Variants in TMEM74 observed in about 807,000 individuals in gnomAD.
TMEM74 encodes transmembrane protein 74.
TMEM74 carries 13 observed loss-of-function variants against 18.1 expected under a neutral mutation model. That is an observed-to-expected ratio of 0.72 (90% CI 0.47 to 1.14). The LOEUF (loss-of-function observed/expected upper bound fraction) is 1.14. TMEM74 is among the 50% of genes most tolerant of loss of function. TMEM74 has a pLI of 0.00. For synonymous variants in TMEM74, 159 were observed against 146.6 expected, an observed-to-expected ratio of 1.08 and a Z score of -0.61; for missense variants, 372 against 375.9, an observed-to-expected ratio of 0.99 and a Z score of 0.09.
intron 1 of TMEM74, among the ~76,000 whole-genome samples, chr8:108,680,468 C>G (rs866305713): frequency 7.9e-5 from 12 of 151,944 alleles, no homozygotes; most frequent in South Asian, 2.1e-4. Flanking sequence ...ATTCAACAAC[C>G]CTTCATGCTA....
At chr8:108,756,619 G>GA (rs1813968489) in intron 1 of TMEM74, among the ~76,000 whole-genome samples, 1 of 83,456 alleles carries the variant, frequency 1.2e-5, no homozygotes, top group Non-Finnish European at 2.4e-5. Context: ...AGGAAGGAAG[G>GA]AAGGAAGGAA....
intron 1 of TMEM74, among the ~76,000 whole-genome samples, chr8:108,725,096 C>T (rs1404878413): frequency 6.6e-6 from 1 of 152,174 alleles, no homozygotes; most frequent in Non-Finnish European, 1.5e-5. Context: ...CACTTCGAGC[C>T]ATCTCCCCTG....
At chr8:108,627,578 G>C (rs1164796130) in intron 2 of TMEM74, among the ~76,000 whole-genome samples, 1 of 151,996 alleles carries the variant, frequency 6.6e-6, no homozygotes, top group African/African-American at 2.4e-5. Context: ...TCTTATTTCT[G>C]CTTCTGTACT....
chr8:108,761,644 T>A (rs1202876286), intron 1 of TMEM74, among the ~76,000 whole-genome samples: 5 of 152,088 alleles, frequency 3.3e-5, no homozygotes, highest in Non-Finnish European at 7.4e-5. Context: ...GGCAAAAATA[T>A]GTTACCCTCT....
chr8:108,774,567 G>A (rs990782069), downstream of TMEM74, among the ~76,000 whole-genome samples: 10 of 152,260 alleles, frequency 6.6e-5, no homozygotes, highest in African/African-American at 1.7e-4. Context: ...AACCACTAGA[G>A]CCAGGAGGTA....
At position 108,779,545 on chromosome 8, in the gene TMEM74, A is replaced by G. The variant is rs1814277248; in HGVS notation, c.*4636T>C. On this transcript the variant is annotated 3_prime_UTR_variant, in exon 2 of 2. Coordinates refer to ENST00000297459, the MANE Select transcript of TMEM74 (RefSeq NM_153015.3). ...GAGAGGTTAAAAAACAAATTAATAA[A>G]TATTTGTGGGAGGCTGAACAACCAA... Among the ~76,000 whole-genome samples, 1 of 152,194 alleles carries G rather than the reference A, an allele frequency of 6.6e-6. No homozygotes were observed. The highest frequency in any genetic ancestry group is 1.5e-5 in the Non-Finnish European group (1 of 68,022).
At chr8:108,719,381 T>C (rs536816192) in intron 1 of TMEM74, among the ~76,000 whole-genome samples, 10 of 152,150 alleles carry the variant, frequency 6.6e-5, no homozygotes, top group Non-Finnish European at 1.0e-4. Flanking sequence ...CACAATATAA[T>C]ACTTTATTGG....
intron 1 of TMEM74, among the ~76,000 whole-genome samples, chr8:108,767,985 A>T (rs765485824): frequency 2.6e-5 from 4 of 152,166 alleles, no homozygotes; most frequent in Non-Finnish European, 5.9e-5. Context: ...CATGAAAATA[A>T]ATTCACTGGC....
At chr8:108,695,310 A>G (rs1448998467) in intron 1 of TMEM74, among the ~76,000 whole-genome samples, 1 of 152,228 alleles carries the variant, frequency 6.6e-6, no homozygotes, top group Non-Finnish European at 1.5e-5. Context: ...GCAAATTTCG[A>G]ACACCAAGGA....
chr8:108,786,880 A>ACGG (rs1263504905), intron 1 of TMEM74, among the ~76,000 whole-genome samples: 1 of 152,088 alleles, frequency 6.6e-6, no homozygotes, highest in Non-Finnish European at 1.5e-5. Context: ...TTAATTCCCT[A>ACGG]CGGCCGCCTC....
At chr8:108,677,720 GT>G (rs1198239428) in intron 1 of TMEM74, among the ~76,000 whole-genome samples, 1 of 152,000 alleles carries the variant, frequency 6.6e-6, no homozygotes, top group South Asian at 2.1e-4. Context: ...TTCTGACTGT[GT>G]TTTTACTGCA....
chr8:108,661,378 CTTTTTTT>C (rs760545466), intron 1 of TMEM74, among the ~76,000 whole-genome samples: 16 of 86,726 alleles, frequency 1.8e-4, no homozygotes, highest in African/African-American at 6.0e-4. Context: ...CCTTGCAGCT[CTTTTTTT>C]TTTTTTTTTT....
At chr8:108,618,067 A>G (rs1812403449) in intron 2 of TMEM74, among the ~76,000 whole-genome samples, 1 of 152,164 alleles carries the variant, frequency 6.6e-6, no homozygotes, top group Non-Finnish European at 1.5e-5. Flanking sequence ...TCTGTATTTT[A>G]AAATTGACAG....
rs547464671 is a variant in TMEM74 at position 108,667,876 on chromosome 8, C to T, written n.120-12439G>A. Among the ~76,000 whole-genome samples, 20 of 152,200 alleles carry T rather than the reference C, an allele frequency of 1.3e-4. No individual in the cohort carries two copies. In the East Asian group the frequency reaches 1.9e-3, roughly 15 times the overall value. On this transcript the variant is annotated intron_variant and non_coding_transcript_variant, in intron 1 of 3. Coordinates refer to the TMEM74 transcript ENST00000518838. ...CCCTCTTTAAATGAACGAAATTGAA[C>T]GCCTAGTACCTCCTCCCATAATACT...
chr8:108,773,115 T>G (rs1014659914), intron 1 of TMEM74, among the ~76,000 whole-genome samples: 2 of 152,130 alleles, frequency 1.3e-5, no homozygotes, highest in Admixed American at 6.6e-5. Flanking sequence ...AGACTAGAAC[T>G]GGAAGTTTTC....
chr8:108,720,953 G>A (rs1367063272), intron 1 of TMEM74, among the ~76,000 whole-genome samples: 1 of 152,024 alleles, frequency 6.6e-6, no homozygotes, highest in East Asian at 1.9e-4. Context: ...ACTTTTAGTA[G>A]AGATGTGGTT....
At chr8:108,687,229 G>A (rs1250496445) in intron 1 of TMEM74, among the ~76,000 whole-genome samples, 1 of 151,656 alleles carries the variant, frequency 6.6e-6, no homozygotes, top group East Asian at 1.9e-4. Flanking sequence ...GGAATGGAGG[G>A]AACCTATAAA....
intron 2 of TMEM74, among the ~76,000 whole-genome samples, chr8:108,637,705 G>A (rs1812621266): frequency 6.6e-6 from 1 of 152,108 alleles, no homozygotes; most frequent in Non-Finnish European, 1.5e-5. Context: ...AAAGAGGAGG[G>A]CAGGACTACT....
intron 1 of TMEM74, among the ~76,000 whole-genome samples, chr8:108,766,141 G>A (rs895022733): frequency 5.3e-5 from 8 of 152,116 alleles, no homozygotes; most frequent in African/African-American, 1.9e-4. Context: ...GGTGTCCAGT[G>A]AAAGCAGCAA....
Sources: gnomAD v4.1 joint callset for allele counts (sites outside exome capture counted in the v4.1 genomes callset) on GRCh38, gnomAD v4.1.1 for gene constraint, MANE v1.5 for transcripts, NCBI Gene and HGNC (gene_info 2026-07-23, HGNC 2026-07-21) for gene names.